SGCD: variants seen among roughly 807,000 people sequenced by gnomAD.
SGCD encodes sarcoglycan delta.
SGCD carries 18 observed loss-of-function variants against 36.6 expected under a neutral mutation model. The observed-to-expected ratio is 0.49, with a 90% confidence interval of 0.34 to 0.73. The LOEUF is 0.73. SGCD is among the 30% of genes least tolerant of loss of function. The pLI, the probability that SGCD is intolerant of heterozygous loss-of-function variation, is 0.01. For missense variants in SGCD, 387 were observed against 346.7 expected (o/e 1.12, Z -0.92); for synonymous variants, 133 against 130.6 (o/e 1.02, Z -0.12).
intron 1 of SGCD, among the ~76,000 whole-genome samples, chr5:155,974,804 A>T (rs1351581603): frequency 6.6e-6 from 1 of 151,830 alleles, no homozygotes; most frequent in Non-Finnish European, 1.5e-5. Flanking sequence ...TTGAAGGGAT[A>T]TCCCCGTGGA....
At chr5:156,297,791 A>AAAATAAATAAAT (rs34901027) in intron 3 of SGCD, among the ~76,000 whole-genome samples, 47 of 144,370 alleles carry the variant, frequency 3.3e-4, no homozygotes, top group Non-Finnish European at 5.2e-4. Context: ...GTATAATAAA[A>AAAATAAATAAAT]AAATAAATAA....
intron 1 of SGCD, among the ~76,000 whole-genome samples, chr5:155,950,899 C>A (rs916451523): frequency 6.6e-6 from 1 of 152,110 alleles, no homozygotes; most frequent in Non-Finnish European, 1.5e-5. Context: ...TTTAAAGAAT[C>A]CTTACCTGGT....
chr5:156,417,783 T>G (rs77969600), intron 3 of SGCD, among the ~76,000 whole-genome samples: 1 of 152,028 alleles, frequency 6.6e-6, no homozygotes, highest in African/African-American at 2.4e-5. Context: ...CTTCAACATA[T>G]GAAGTTGGGG....
At chr5:155,862,003 T>G in the SGCD span, among the ~76,000 whole-genome samples, 5 of 152,204 alleles carry the variant, frequency 3.3e-5, no homozygotes, top group African/African-American at 1.2e-4. Context: ...GAAAGAAGAA[T>G]GTAAGCAGCG....
At chr5:155,890,975 G>C (rs555442333) in intron 1 of SGCD, among the ~76,000 whole-genome samples, 2 of 152,008 alleles carry the variant, frequency 1.3e-5, no homozygotes. Flanking sequence ...CCTACCATGT[G>C]GGAAAGAAAT....
chr5:156,077,135 A>G (rs1760807244), intron 1 of SGCD, among the ~76,000 whole-genome samples: 1 of 152,146 alleles, frequency 6.6e-6, no homozygotes, highest in Non-Finnish European at 1.5e-5. Flanking sequence ...ATTACATTCA[A>G]ATTAAGATGT....
chr5:155,773,663 A>T, the SGCD span, among the ~76,000 whole-genome samples: 1 of 152,192 alleles, frequency 6.6e-6, no homozygotes, highest in African/African-American at 2.4e-5. Flanking sequence ...AGGAAACTCT[A>T]TTCTAAGATG....
intron 2 of SGCD, among the ~76,000 whole-genome samples, chr5:156,334,609 C>CTTTTTTTTTTTTTTTTTT (rs35767339): frequency 1.7e-4 from 18 of 105,066 alleles, no homozygotes; most frequent in Non-Finnish European, 2.5e-4. Flanking sequence ...GGTCTATTTT[C>CTTTTTTTTTTTTTTTTTT]TTTTTTTTTT....
At chr5:156,605,091 G>A (rs931283267) in intron 6 of SGCD, among the ~76,000 whole-genome samples, 1 of 151,830 alleles carries the variant, frequency 6.6e-6, no homozygotes, top group East Asian at 1.9e-4. Flanking sequence ...GGGTACATGT[G>A]CACAACGTGC....
intron 4 of SGCD, among the ~76,000 whole-genome samples, chr5:156,535,091 A>G (rs1412880911): frequency 6.6e-6 from 1 of 152,228 alleles, no homozygotes; most frequent in East Asian, 1.9e-4. Flanking sequence ...TCCAGAAGCC[A>G]AAAGCCATTT....
chr5:156,308,591 C>T (rs540751482), intron 3 of SGCD, among the ~76,000 whole-genome samples: 1 of 152,280 alleles, frequency 6.6e-6, no homozygotes, highest in Admixed American at 6.5e-5. Flanking sequence ...AGCCACCGCA[C>T]CTGGCCAGAA....
At chr5:156,250,058 G>A (rs1561584187) in intron 3 of SGCD, among the ~76,000 whole-genome samples, 1 of 152,114 alleles carries the variant, frequency 6.6e-6, no homozygotes, top group Non-Finnish European at 1.5e-5. Flanking sequence ...CTGTCTCTGG[G>A]CTCTCCTAGA....
intron 1 of SGCD, among the ~76,000 whole-genome samples, chr5:155,894,627 C>G (rs946202774): frequency 1.3e-5 from 2 of 152,110 alleles, no homozygotes; most frequent in African/African-American, 4.8e-5. Flanking sequence ...CCTGTCAGAT[C>G]AGATCAGTGG....
At chr5:156,089,258 G>C (rs1761178343) in intron 1 of SGCD, among the ~76,000 whole-genome samples, 1 of 152,174 alleles carries the variant, frequency 6.6e-6, no homozygotes, top group African/African-American at 2.4e-5. Context: ...CTCTGATTTG[G>C]AGCAAGGCAA....
At chr5:155,798,689 A>G in the SGCD span, among the ~76,000 whole-genome samples, 1 of 152,206 alleles carries the variant, frequency 6.6e-6, no homozygotes, top group Non-Finnish European at 1.5e-5. Context: ...GGTGATAGAC[A>G]TGGGAATGCC....
intron 3 of SGCD, among the ~76,000 whole-genome samples, chr5:156,346,103 G>C (rs1420353681): frequency 2.6e-5 from 4 of 152,004 alleles, no homozygotes; most frequent in African/African-American, 9.7e-5. Flanking sequence ...ACTCATGCTA[G>C]GGCTTCTTGG....
intron 4 of SGCD, among the ~76,000 whole-genome samples, chr5:156,556,679 T>C (rs1308402170): frequency 2.0e-5 from 3 of 152,172 alleles, no homozygotes; most frequent in African/African-American, 7.2e-5. Flanking sequence ...CTTTTACCAG[T>C]TTAAAGCAAG....
intron 1 of SGCD, among the ~76,000 whole-genome samples, chr5:155,930,370 G>A (rs968701722): frequency 6.6e-6 from 1 of 152,198 alleles, no homozygotes; most frequent in African/African-American, 2.4e-5. Flanking sequence ...TGAAGCAAAA[G>A]AAGTTTATCT....
In SGCD at chr5:156,684,194, C is replaced by T. The variant is rs188024337; in HGVS notation, c.575+36658C>T. ...AAACTAGTTAGTGCTCTGTGGTCTACACTAGAGTTGATGTCACTGAGAGTT... is the reference window on the plus strand; with the variant it reads ...AAACTAGTTAGTGCTCTGTGGTCTATACTAGAGTTGATGTCACTGAGAGTT... On this transcript the variant is annotated intron_variant, in intron 7 of 8. Coordinates refer to ENST00000337851, the MANE Select transcript of SGCD (RefSeq NM_000337.6). 6.6e-4 allele frequency among the ~76,000 whole-genome samples: 101 copies of T among 152,020 alleles called. 1 individual carries two copies. Among genetic ancestry groups the T allele is most frequent in the Admixed American group, 2.2e-3 (33 of 15,252 alleles).
Sources: gnomAD v4.1 joint callset for allele counts (sites outside exome capture counted in the v4.1 genomes callset) on GRCh38, gnomAD v4.1.1 for gene constraint, MANE v1.5 for transcripts, NCBI Gene and HGNC (gene_info 2026-07-23, HGNC 2026-07-21) for gene names.